PPP6R3: variants seen among roughly 807,000 people sequenced by gnomAD.
The protein encoded by PPP6R3 is serine/threonine-protein phosphatase 6 regulatory subunit 3.
In PPP6R3, 38 loss-of-function variants were observed where a neutral mutation model predicts 110.7. That is an observed-to-expected ratio of 0.34 (90% CI 0.26 to 0.45). The LOEUF (loss-of-function observed/expected upper bound fraction) is 0.45. Ranked by LOEUF, PPP6R3 falls within the 20% of genes least tolerant of loss-of-function variation. The probability of loss-of-function intolerance (pLI) is 1.00; values close to 1 mark genes in which losing one functional copy is unlikely to be tolerated. For synonymous variants in PPP6R3, 369 were observed against 373.5 expected (o/e 0.99, Z 0.14); for missense variants, 870 against 1,062.4 (o/e 0.82, Z 2.52).
chr11:68,498,110 C>T (rs1432718112), intron 1 of PPP6R3, among the ~76,000 whole-genome samples: 1 of 152,058 alleles, frequency 6.6e-6, no homozygotes, highest in African/African-American at 2.4e-5. Flanking sequence ...GTATAAACAC[C>T]TTAGAATAAA....
chr11:68,522,036 A>G (rs1045848241), intron 2 of PPP6R3, among the ~76,000 whole-genome samples: 3 of 152,236 alleles, frequency 2.0e-5, no homozygotes, highest in Non-Finnish European at 4.4e-5. Flanking sequence ...TCAGTCCCCA[A>G]GCATATTACT....
At chr11:68,482,537 T>C (rs2098921686) in intron 1 of PPP6R3, among the ~76,000 whole-genome samples, 1 of 152,148 alleles carries the variant, frequency 6.6e-6, no homozygotes, top group East Asian at 1.9e-4. Flanking sequence ...GAATAAGTGG[T>C]TAAATGTTAA....
At chr11:68,530,469 T>G (rs571713131) in intron 2 of PPP6R3, among the ~76,000 whole-genome samples, 1 of 152,396 alleles carries the variant, frequency 6.6e-6, no homozygotes, top group African/African-American at 2.4e-5. Flanking sequence ...CTGCTTCTCC[T>G]ATTTTGTTCT....
intron 6 of PPP6R3, among the ~76,000 whole-genome samples, chr11:68,551,638 G>A (rs750207942): frequency 6.6e-6 from 1 of 152,070 alleles, no homozygotes; most frequent in Admixed American, 6.5e-5. Flanking sequence ...ACAGGTGCCC[G>A]CCACCACCCT....
chr11:68,475,951 C>T (rs1295238758), intron 1 of PPP6R3, among the ~76,000 whole-genome samples: 2 of 151,232 alleles, frequency 1.3e-5, no homozygotes, highest in East Asian at 2.0e-4. Flanking sequence ...GGATGGCGGC[C>T]GGGAAGAGGC....
chr11:68,515,442 C>T (rs1295482083), intron 1 of PPP6R3, among the ~76,000 whole-genome samples: 1 of 152,182 alleles, frequency 6.6e-6, no homozygotes, highest in African/African-American at 2.4e-5. Flanking sequence ...GGTAGGGGGG[C>T]AGCAATCCTG....
chr11:68,532,198 T>C (rs1415102741), intron 2 of PPP6R3, among the ~76,000 whole-genome samples: 2 of 152,192 alleles, frequency 1.3e-5, no homozygotes, highest in African/African-American at 2.4e-5. Flanking sequence ...ATCATGAAGG[T>C]TTTAAAATAA....
intron 18 of PPP6R3, among the ~76,000 whole-genome samples, chr11:68,593,416 A>G (rs1014013479): frequency 6.6e-6 from 1 of 152,128 alleles, no homozygotes; most frequent in East Asian, 1.9e-4. Flanking sequence ...GATACACTAC[A>G]GTTTGTTTAT....
At chr11:68,612,836 T>C in intron 23 of PPP6R3, 1 of 774,610 alleles carries the variant, frequency 1.3e-6, no homozygotes. Context: ...TTTGCTCTGC[T>C]GCTGCCCTTG....
chr11:68,472,640 A>G (rs1449139291), intron 1 of PPP6R3, among the ~76,000 whole-genome samples: 3 of 151,128 alleles, frequency 2.0e-5, no homozygotes, highest in Non-Finnish European at 2.9e-5. Context: ...TAATGACAAC[A>G]TTATTGAGAA....
rs1221463364 is a variant in PPP6R3 at position 68,587,872 on chromosome 11, A to G, written c.1633-55A>G. ...TCTGGAACACAAATGGGCAAATAGT[A>G]TGTAGAATATCATTAGAATCATTAT... On this transcript the variant is annotated intron_variant, in intron 15 of 23. Transcript: ENST00000393800. 4 of 1,381,320 alleles carry G rather than the reference A, an allele frequency of 2.9e-6. No individual in the cohort carries two copies. In the South Asian group the frequency reaches 4.6e-5, roughly 16 times the overall value. The allele number at this position is 1,381,320 out of a possible 1,614,324, so 85.6% of individuals were successfully genotyped here.
rs1555110027 is a variant in PPP6R3, at chr11:68,528,434, G to GGT, written c.-7+8784_-7+8785insTG. On this transcript the variant is annotated intron_variant, in intron 2 of 23. Coordinates refer to ENST00000393800, the MANE Select transcript of PPP6R3 (RefSeq NM_001164161.2). ...GATATTTGATTTAATTTGTGTGTGT[G>GGT]GGGGGGGGGGCTGCACCTTTATGAA... Among the ~76,000 whole-genome samples, 11 of 10,192 alleles carry GGT rather than the reference G, an allele frequency of 1.1e-3. No individual in the cohort carries two copies. The South Asian group carries it at 0.029, about 27-fold the overall frequency. 6.7% of individuals were successfully genotyped at this position (10,192 alleles called of 152,430 possible). A position where few individuals can be genotyped will look rare whatever the true frequency, so the allele number is the denominator to read the frequency against.
Position 68,521,942 on chromosome 11 carries a change from A to G in PPP6R3, c.-7+2291A>G, listed in dbSNP as rs149889855. ...TCTATTGCAAAGGTACATGTAATCT[A>G]TTAATATTGATCTGCAGCAAGGTTT... On this transcript the variant is annotated intron_variant, in intron 2 of 23. Transcript: ENST00000393800. Among the ~76,000 whole-genome samples the G allele has an allele frequency of 7.9e-3, 1,201 of 152,294 alleles. 19 individuals carry two copies. The highest frequency in any genetic ancestry group is 0.027 in the African/African-American group (1,137 of 41,558).
At chr11:68,526,742 T>C (rs1013363486) in intron 2 of PPP6R3, among the ~76,000 whole-genome samples, 2 of 152,198 alleles carry the variant, frequency 1.3e-5, no homozygotes, top group Non-Finnish European at 2.9e-5. Flanking sequence ...CCCCTCAGTC[T>C]CACTTCAATG....
chr11:68,487,622 C>A (rs1299932330), intron 1 of PPP6R3, among the ~76,000 whole-genome samples: 2 of 151,378 alleles, frequency 1.3e-5, no homozygotes, highest in African/African-American at 4.8e-5. Context: ...TTTCAACTTT[C>A]TCTTGAGATT....
At chr11:68,462,147 C>G (rs1390632278) in intron 1 of PPP6R3, among the ~76,000 whole-genome samples, 1 of 152,170 alleles carries the variant, frequency 6.6e-6, no homozygotes, top group East Asian at 1.9e-4. Context: ...ACAGTCACCT[C>G]AGTGGCTGAT....
intron 1 of PPP6R3, among the ~76,000 whole-genome samples, chr11:68,478,647 G>GTATTTTTTTTTTTTTTTTTT (rs2098860039): frequency 2.0e-5 from 1 of 50,506 alleles, no homozygotes; most frequent in African/African-American, 9.7e-5. Context: ...CACTTGGTAA[G>GTATTTTTTTTTTTTTTTTTT]TTTTTTTTTT....
At chr11:68,503,242 T>G (rs890430788) in intron 1 of PPP6R3, among the ~76,000 whole-genome samples, 42 of 152,154 alleles carry the variant, frequency 2.8e-4, no homozygotes, top group Non-Finnish European at 1.2e-4. Flanking sequence ...GTGCCCGGCC[T>G]GGAGAAGAAT....
intron 1 of PPP6R3, chr11:68,488,741 G>C (rs2098964777): frequency 6.6e-6 from 1 of 152,108 alleles, no homozygotes; most frequent in African/African-American, 2.4e-5. Context: ...TGGCCTACTT[G>C]GTGTAGGGGC....
Sources: allele counts gnomAD v4.1 joint callset (sites outside exome capture counted in the v4.1 genomes callset), GRCh38; gene constraint gnomAD v4.1.1; transcripts MANE v1.5; gene names NCBI Gene and HGNC (gene_info 2026-07-23, HGNC 2026-07-21).